Variants in NONO observed in about 807,000 individuals in gnomAD.
NONO encodes the protein non-POU domain-containing octamer-binding protein.
NONO carries 6 observed loss-of-function variants against 40.2 expected under a neutral mutation model. The ratio of observed to expected loss-of-function variants is 0.15; its 90% CI spans 0.08 to 0.29. NONO has a LOEUF of 0.29. NONO is among the 10% of genes least tolerant of loss of function. The probability of loss-of-function intolerance (pLI) is 1.00; values close to 1 mark genes in which losing one functional copy is unlikely to be tolerated. For synonymous variants in NONO, 89 were observed against 123.3 expected (o/e 0.72, Z 1.85); for missense variants, 133 against 397.8 (o/e 0.33, Z 5.66).
intron 2 of NONO, among the ~76,000 whole-genome samples, chrX:71,286,899 A>T (rs2031200867): frequency 9.0e-6 from 1 of 111,539 alleles, no homozygotes; most frequent in Admixed American, 9.6e-5. Context: ...TTTTTTTCTT[A>T]CTAAACTTTT....
intron 2 of NONO, among the ~76,000 whole-genome samples, chrX:71,285,444 A>G (rs1279049685): frequency 9.0e-6 from 1 of 111,728 alleles, no homozygotes; most frequent in Non-Finnish European, 1.9e-5. Context: ...ACGACGTTGC[A>G]CTATGTGGCA....
intron 4 of NONO, chrX:71,293,878 C>T (rs2031379476): frequency 5.0e-6 from 1 of 199,458 alleles, no homozygotes; most frequent in South Asian, 1.2e-4. Flanking sequence ...TATCCACCCG[C>T]CTCGGCCTCC....
chrX:71,286,100 T>C (rs2031182756), intron 2 of NONO, among the ~76,000 whole-genome samples: 1 of 112,170 alleles, frequency 8.9e-6, no homozygotes. Flanking sequence ...TTTTTCTAAA[T>C]TTTCTATAAT....
intron 2 of NONO, among the ~76,000 whole-genome samples, chrX:71,287,767 T>A (rs2031223535): frequency 9.2e-6 from 1 of 109,036 alleles, no homozygotes; most frequent in South Asian, 3.9e-4. Flanking sequence ...CACTGTAACC[T>A]CCTCTTCGTG....
At chrX:71,287,075 T>C (rs2031206662) in intron 2 of NONO, among the ~76,000 whole-genome samples, 1 of 112,120 alleles carries the variant, frequency 8.9e-6, no homozygotes, top group African/African-American at 3.2e-5. Flanking sequence ...GAAATATAAT[T>C]TTCTGTGTTT....
At chrX:71,290,301 C>T (rs764575630) in intron 2 of NONO, among the ~76,000 whole-genome samples, 2 of 111,920 alleles carry the variant, frequency 1.8e-5, no homozygotes, top group South Asian at 7.4e-4. Context: ...CTCCCACCTC[C>T]GCCTCCCAAA....
intron 8 of NONO, 49 bp from the exon 9 acceptor site, chrX:71,297,787 T>C (rs1031179659): frequency 6.1e-6 from 6 of 988,721 alleles, no homozygotes; most frequent in Non-Finnish European, 8.5e-6. Flanking sequence ...GTTAATCTGC[T>C]CAAGTTCTGA....
chrX:71,294,022 A>G, intron 4 of NONO: 1 of 433,704 alleles, frequency 2.3e-6, no homozygotes, highest in African/African-American at 2.4e-5. Flanking sequence ...TTCTAGAACT[A>G]CATGTGATTT....
At chrX:71,297,238 A>G in intron 7 of NONO, 139 bp from the exon 8 acceptor site, 1 of 672,464 alleles carries the variant, frequency 1.5e-6, no homozygotes, top group African/African-American at 2.2e-5. Context: ...TGATAGGTAT[A>G]ACTTCATTTT....
chrX:71,300,429 G>A lies in NONO; in HGVS notation c.*353G>A, dbSNP rs1020098761. ...CCATCTTGTTTCATTTGCTTGCCCC[G>A]CCCCCGAGACGGAGTCTTACTCTGT... On this transcript the variant is annotated 3_prime_UTR_variant, in exon 12 of 12. Coordinates refer to ENST00000276079, the MANE Select transcript of NONO (RefSeq NM_007363.5). 8.3e-6 allele frequency: 2 copies of A among 241,908 alleles called. No homozygotes were observed. Among genetic ancestry groups the A allele is most frequent in the Admixed American group, 8.1e-5 (1 of 12,386 alleles). 19.9% of individuals were successfully genotyped at this position (241,908 alleles called of 1,213,427 possible).
intron 2 of NONO, among the ~76,000 whole-genome samples, 185 bp from the exon 3 acceptor site, chrX:71,290,444 C>T (rs917350061): frequency 3.6e-5 from 4 of 111,229 alleles, no homozygotes; most frequent in African/African-American, 1.3e-4. Context: ...AACATAGTTT[C>T]CATATGCAGC....
chrX:71,294,089 A>C (rs1375030706), intron 4 of NONO, 138 bp from the exon 5 acceptor site: 1 of 630,986 alleles, frequency 1.6e-6, no homozygotes, highest in Non-Finnish European at 2.4e-6. Flanking sequence ...CACACAGTTA[A>C]GTTCTTTCAC....
chrX:71,300,667 C>T lies in NONO; in HGVS notation c.*591C>T, dbSNP rs1032071559. ...CCAGCCCCAGAGAAACTGCCACATA[C>T]ACCACAAAAACCAAACATCCCCCAA... On this transcript the variant is annotated 3_prime_UTR_variant, in exon 12 of 12. Transcript: ENST00000276079. The T allele has an allele frequency of 1.1e-5, 2 of 183,326 alleles. 1 individual carries two copies. The highest frequency in any genetic ancestry group is 1.4e-4 in the Admixed American group (2 of 14,465). The allele number at this position is 183,326 out of a possible 1,213,427, so 15.1% of individuals were successfully genotyped here. A position where few individuals can be genotyped will look rare whatever the true frequency, so the allele number is the denominator to read the frequency against.
chrX:71,286,304 C>T (rs1483768767), intron 2 of NONO, among the ~76,000 whole-genome samples: 1 of 111,455 alleles, frequency 9.0e-6, no homozygotes, highest in Non-Finnish European at 1.9e-5. Context: ...TCCCTATCCA[C>T]TTTGCCTTCC....
At chrX:71,297,788 C>T in intron 8 of NONO, 48 bp from the exon 9 acceptor site, 1 of 989,736 alleles carries the variant, frequency 1.0e-6, no homozygotes, top group East Asian at 3.1e-5. Flanking sequence ...TTAATCTGCT[C>T]AAGTTCTGAA....
chrX:71,298,923 A>T, intron 11 of NONO, 107 bp downstream of exon 11: 1 of 555,055 alleles, frequency 1.8e-6, no homozygotes, highest in Non-Finnish European at 2.9e-6. Flanking sequence ...TATAGATAGC[A>T]GTCTTTTTTT....
At chrX:71,295,404 G>A (rs966690049) in intron 5 of NONO, among the ~76,000 whole-genome samples, 2 of 99,264 alleles carry the variant, frequency 2.0e-5, no homozygotes, top group African/African-American at 3.8e-5. Flanking sequence ...GGAGAATGGC[G>A]TGAACCTGGG....
intron 7 of NONO, 48 bp from the exon 8 acceptor site, chrX:71,297,329 A>G (rs1250587564): frequency 9.6e-7 from 1 of 1,040,543 alleles, no homozygotes; most frequent in Admixed American, 2.7e-5. Flanking sequence ...AAGTCATTAG[A>G]TCTATATGAA....
intron 4 of NONO, 161 bp downstream of exon 4, chrX:71,292,133 A>T (rs1007666480): frequency 2.5e-6 from 1 of 396,761 alleles, no homozygotes; most frequent in South Asian, 7.1e-5. Context: ...ATTTTTCCTC[A>T]TAAGTTTTGT....
Sources: allele counts gnomAD v4.1 joint callset (sites outside exome capture counted in the v4.1 genomes callset), GRCh38; gene constraint gnomAD v4.1.1; transcripts MANE v1.5; gene names NCBI Gene and HGNC (gene_info 2026-07-23, HGNC 2026-07-21).